The following ZBTB44 variants were observed in gnomAD, a reference collection of about 807,000 sequenced individuals.
ZBTB44 encodes zinc finger and BTB domain containing 44.
A neutral mutation model predicts 54.0 loss-of-function variants in ZBTB44; 15 were observed. The ratio of observed to expected loss-of-function variants is 0.28; its 90% CI spans 0.19 to 0.43. ZBTB44 has a LOEUF of 0.43. Among genes scored for constraint, ZBTB44 ranks in the 20% least tolerant of loss-of-function variants. ZBTB44 has a pLI of 1.00. For missense variants in ZBTB44, 487 were observed against 707.1 expected (o/e 0.69, Z 3.53); for synonymous variants, 230 against 250.1 (o/e 0.92, Z 0.76).
At chr11:130,251,470 T>C (rs1019127540) in intron 2 of ZBTB44, among the ~76,000 whole-genome samples, 5 of 152,126 alleles carry the variant, frequency 3.3e-5, no homozygotes, top group African/African-American at 7.2e-5. Flanking sequence ...TCCTCGAGAA[T>C]AGCAACCCCA....
intron 1 of ZBTB44, among the ~76,000 whole-genome samples, chr11:130,301,256 G>A (rs1365991527): frequency 6.6e-6 from 1 of 152,226 alleles, no homozygotes; most frequent in African/African-American, 2.4e-5. Flanking sequence ...AGTAGCTAGA[G>A]TTCTTGTCTG....
chr11:130,273,867 G>A (rs1034547955), intron 1 of ZBTB44, among the ~76,000 whole-genome samples: 1 of 151,972 alleles, frequency 6.6e-6, no homozygotes, highest in Non-Finnish European at 1.5e-5. Context: ...CCAGGAGTTC[G>A]AGACCAGCCT....
chr11:130,296,357 C>T (rs1326622165), intron 1 of ZBTB44: 63 of 1,537,250 alleles, frequency 4.1e-5, no homozygotes, highest in South Asian at 2.9e-4. Context: ...CTTGTATGTC[C>T]GTGAAATACC....
At chr11:130,293,224 G>A (rs936353520) in intron 1 of ZBTB44, among the ~76,000 whole-genome samples, 8 of 151,638 alleles carry the variant, frequency 5.3e-5, no homozygotes, top group African/African-American at 1.9e-4. Flanking sequence ...CACTTTGGGA[G>A]GCCAAGGCAG....
chr11:130,276,949 A>C (rs1449989529), intron 1 of ZBTB44, among the ~76,000 whole-genome samples: 1 of 152,182 alleles, frequency 6.6e-6, no homozygotes, highest in African/African-American at 2.4e-5. Flanking sequence ...GATACGAGTA[A>C]AACCACTCTC....
In ZBTB44 at chr11:130,261,152, T is replaced by C; in HGVS notation, c.722A>G (p.Gln241Arg). 6.2e-7 allele frequency: 1 copy of C among 1,614,010 alleles called. No individual in the cohort carries two copies. Among genetic ancestry groups the C allele is most frequent in the Non-Finnish European group, 8.5e-7 (1 of 1,179,892 alleles). ...TTCTGCTTGCTTAACTTTCTCAGGC[T>C]GAATCCTTCGATCAATTCCAAAAGG... is the stretch of plus-strand genomic sequence containing the variant. ...TFPFGIDRRIQPEKVKQAENT... is the reference protein window; with the variant it reads ...TFPFGIDRRIRPEKVKQAENT... The change falls in exon 2 of 8, where the codon CAG (glutamine) becomes CGG (arginine). Residue 241 changes from glutamine (Q) to arginine (R), a missense_variant. Gln to Arg is a conservative substitution (Grantham distance 43). Around this residue, in one of 3 missense-constraint regions of ZBTB44, gnomAD observed 277 missense variants for 306.5 expected, o/e 0.90. Transcript: ENST00000357899. The surrounding 1 kb of genome is among the most constrained non-coding windows in gnomAD (Gnocchi z 4.8).
intron 1 of ZBTB44, among the ~76,000 whole-genome samples, chr11:130,270,266 C>T (rs912359695): frequency 1.3e-5 from 2 of 152,152 alleles, no homozygotes; most frequent in Non-Finnish European, 2.9e-5. Flanking sequence ...AGATCACTCA[C>T]TCGCAGCTTA....
intron 1 of ZBTB44, among the ~76,000 whole-genome samples, chr11:130,299,229 A>G (rs1941855039): frequency 6.6e-6 from 1 of 152,244 alleles, no homozygotes; most frequent in Non-Finnish European, 1.5e-5. Context: ...AATAAATTTT[A>G]AAGGAATGAA....
intron 2 of ZBTB44, among the ~76,000 whole-genome samples, chr11:130,250,812 T>C (rs1023068875): frequency 1.3e-5 from 2 of 152,300 alleles, no homozygotes; most frequent in South Asian, 2.1e-4. Context: ...AGATCAAAGA[T>C]AGATAAATCC....
intron 1 of ZBTB44, among the ~76,000 whole-genome samples, chr11:130,286,265 A>G (rs1327950103): frequency 6.6e-6 from 1 of 152,246 alleles, no homozygotes; most frequent in African/African-American, 2.4e-5. Flanking sequence ...CTAAAGAGAA[A>G]AAAGTGACTG....
At chr11:130,287,864 C>A (rs1941057313) in intron 1 of ZBTB44, among the ~76,000 whole-genome samples, 1 of 150,278 alleles carries the variant, frequency 6.7e-6, no homozygotes. Context: ...AAATATTTAC[C>A]GTATTATAAA....
chr11:130,293,569 C>T (rs1376826808), intron 1 of ZBTB44, among the ~76,000 whole-genome samples: 2 of 145,926 alleles, frequency 1.4e-5, no homozygotes, highest in African/African-American at 5.1e-5. Context: ...CACCTGAGGT[C>T]AGGAGTTTGA....
intron 5 of ZBTB44, among the ~76,000 whole-genome samples, chr11:130,234,851 G>A (rs1164597443): frequency 6.6e-6 from 1 of 152,148 alleles, no homozygotes; most frequent in African/African-American, 2.4e-5. Context: ...TGAATGCCTT[G>A]AGATTGGTTA....
intron 1 of ZBTB44, among the ~76,000 whole-genome samples, chr11:130,312,728 A>G (rs1195379182): frequency 6.6e-6 from 1 of 152,116 alleles, no homozygotes; most frequent in Non-Finnish European, 1.5e-5. Flanking sequence ...AATGCAATCA[A>G]TGCATGAATC....
At chr11:130,268,046 G>T (rs1939385740) in intron 1 of ZBTB44, among the ~76,000 whole-genome samples, 1 of 148,848 alleles carries the variant, frequency 6.7e-6, no homozygotes, top group East Asian at 2.0e-4. Flanking sequence ...TCCAGACTGG[G>T]TGACAGAGTG....
At chr11:130,277,513 C>T (rs1270330378) in intron 1 of ZBTB44, among the ~76,000 whole-genome samples, 1 of 150,432 alleles carries the variant, frequency 6.6e-6, no homozygotes, top group East Asian at 1.9e-4. Context: ...CACAGCTTTG[C>T]TCCTACCCAC....
intron 1 of ZBTB44, among the ~76,000 whole-genome samples, chr11:130,289,290 C>G (rs1461145904): frequency 6.6e-6 from 1 of 152,022 alleles, no homozygotes; most frequent in East Asian, 1.9e-4. Context: ...CAAGACTAGC[C>G]TGGCCAACAT....
In ZBTB44 at chr11:130,236,876, C is replaced by A. The variant is rs867411080; in HGVS notation, c.1485G>T (p.Met495Ile). ...CGATTAAATTTCCAGAGTTGGTGAACATGGCGCCACATGTTTTGCACTCGT... is the reference window on the plus strand; with the variant it reads ...CGATTAAATTTCCAGAGTTGGTGAAAATGGCGCCACATGTTTTGCACTCGT... ...RIYECKTCGA[M>I]FTNSGNLIVH... Residue 495 changes from methionine (M) to isoleucine (I), a missense_variant, in exon 5 of 8, where the codon ATG (methionine) becomes ATT (isoleucine). Coordinates refer to ENST00000357899, the MANE Select transcript of ZBTB44 (RefSeq NM_001301098.2). 6.5e-7 allele frequency: 1 copy of A among 1,532,400 alleles called. No homozygotes were observed. Among genetic ancestry groups the A allele is most frequent in the Non-Finnish European group, 8.8e-7 (1 of 1,141,352 alleles). The allele number at this position is 1,532,400 out of a possible 1,614,324, so 94.9% of individuals were successfully genotyped here. A position where few individuals can be genotyped will look rare whatever the true frequency, so the allele number is the denominator to read the frequency against.
intron 1 of ZBTB44, among the ~76,000 whole-genome samples, chr11:130,297,490 A>G (rs1046371777): frequency 1.3e-5 from 2 of 152,260 alleles, no homozygotes; most frequent in East Asian, 3.8e-4. Flanking sequence ...TTCTCTAAAA[A>G]GATACGTTGA....
Sources: allele counts gnomAD v4.1 joint callset (sites outside exome capture counted in the v4.1 genomes callset), GRCh38; gene constraint gnomAD v4.1.1; regional missense constraint gnomAD v4.1.1; non-coding constraint Gnocchi (gnomAD v3.1); transcripts MANE v1.5; gene names NCBI Gene and HGNC (gene_info 2026-07-23, HGNC 2026-07-21).